Variants in ZNF385D observed in about 807,000 individuals in gnomAD.
ZNF385D encodes zinc finger protein 659.
In ZNF385D, 15 loss-of-function variants were observed where a neutral mutation model predicts 35.8. The ratio of observed to expected loss-of-function variants is 0.42; its 90% CI spans 0.28 to 0.64. The LOEUF is 0.64. Among genes scored for constraint, ZNF385D ranks in the 30% least tolerant of loss-of-function variants. The pLI, the probability that ZNF385D is intolerant of heterozygous loss-of-function variation, is 0.23. For missense variants in ZNF385D, 474 were observed against 494.6 expected, an observed-to-expected ratio of 0.96 and a Z score of 0.39; for synonymous variants, 212 against 186.8, an observed-to-expected ratio of 1.13 and a Z score of -1.10.
chr3:21,565,903 T>C (rs866622693), intron 2 of ZNF385D, among the ~76,000 whole-genome samples: 1 of 152,180 alleles, frequency 6.6e-6, no homozygotes, highest in East Asian at 1.9e-4. Flanking sequence ...TTCTGTGACA[T>C]ATTATAGTTC....
At chr3:21,624,173 G>T (rs1440676074) in intron 2 of ZNF385D, among the ~76,000 whole-genome samples, 4 of 151,996 alleles carry the variant, frequency 2.6e-5, no homozygotes, top group Admixed American at 1.3e-4. Flanking sequence ...TTTAAGAAAT[G>T]CCTCTATTCA....
At chr3:21,712,020 T>A (rs903427115) in intron 1 of ZNF385D, among the ~76,000 whole-genome samples, 6 of 152,224 alleles carry the variant, frequency 3.9e-5, no homozygotes, top group Non-Finnish European at 7.3e-5. Flanking sequence ...AATTATTTAT[T>A]TGGTGAAGGA....
At chr3:21,903,736 A>G (rs1490585245) in intron 3 of ZNF385D, among the ~76,000 whole-genome samples, 3 of 152,208 alleles carry the variant, frequency 2.0e-5, no homozygotes, top group African/African-American at 7.2e-5. Context: ...CAAAAGCAAT[A>G]GAAATAATGA....
At chr3:21,703,672 A>G (rs541855661) in intron 1 of ZNF385D, among the ~76,000 whole-genome samples, 5,211 of 152,252 alleles carry the variant, frequency 0.034, 142 homozygotes, top group South Asian at 0.09. Context: ...TACAAAAAAA[A>G]AAAAATGGCA....
At chr3:21,903,872 C>T (rs974715285) in intron 3 of ZNF385D, among the ~76,000 whole-genome samples, 2 of 152,146 alleles carry the variant, frequency 1.3e-5, no homozygotes, top group Non-Finnish European at 2.9e-5. Context: ...GGAAATTTAT[C>T]TTACACTCAA....
At chr3:21,600,442 C>T (rs2064251193) in intron 2 of ZNF385D, among the ~76,000 whole-genome samples, 1 of 152,090 alleles carries the variant, frequency 6.6e-6, no homozygotes, top group South Asian at 2.1e-4. Flanking sequence ...TTAAACGATG[C>T]CTCTCAATAA....
intron 2 of ZNF385D, among the ~76,000 whole-genome samples, chr3:22,344,940 G>A (rs923910619): frequency 2.6e-5 from 4 of 152,160 alleles, no homozygotes; most frequent in African/African-American, 9.7e-5. Flanking sequence ...CCCTATCCAA[G>A]TGAGAAGCTT....
chr3:22,146,971 T>C (rs964925865), intron 3 of ZNF385D, among the ~76,000 whole-genome samples: 4 of 152,170 alleles, frequency 2.6e-5, no homozygotes, highest in Non-Finnish European at 4.4e-5. Context: ...AAAATAACAG[T>C]AAGCTAATCA....
At chr3:22,249,512 G>C (rs1014501516) in intron 2 of ZNF385D, among the ~76,000 whole-genome samples, 1 of 152,100 alleles carries the variant, frequency 6.6e-6, no homozygotes, top group Admixed American at 6.6e-5. Flanking sequence ...AATTATGTAA[G>C]ACACTATTTT....
At chr3:21,847,385 A>G (rs1333041123) in intron 3 of ZNF385D, among the ~76,000 whole-genome samples, 3 of 141,222 alleles carry the variant, frequency 2.1e-5, no homozygotes, top group Non-Finnish European at 4.4e-5. Flanking sequence ...AAAAAATTAA[A>G]ATAAGAAATA....
rs187283306 is a variant in ZNF385D, at chr3:22,081,703, G to A, written c.325+87114C>T. On this transcript the variant is annotated intron_variant, in intron 3 of 5. Transcript: ENST00000494108. ...TGATGGAACATACAAACCTTTCCACGGCAGCCTTTGAGTTAAAATGGCAGA... is the reference window on the plus strand; with the variant it reads ...TGATGGAACATACAAACCTTTCCACAGCAGCCTTTGAGTTAAAATGGCAGA... Among the ~76,000 whole-genome samples the A allele has an allele frequency of 4.7e-4, 72 of 152,154 alleles. No individual in the cohort carries two copies. In the East Asian group the frequency reaches 6.4e-3, roughly 14 times the overall value.
chr3:21,458,363 T>TC (rs1200418770), intron 4 of ZNF385D, among the ~76,000 whole-genome samples: 1 of 149,890 alleles, frequency 6.7e-6, no homozygotes, highest in African/African-American at 2.5e-5. Context: ...GAACCAGTAG[T>TC]CCTAGCTACT....
chr3:21,452,022 CTA>C (rs1168896083), intron 4 of ZNF385D, among the ~76,000 whole-genome samples: 1 of 151,962 alleles, frequency 6.6e-6, no homozygotes, highest in Non-Finnish European at 1.5e-5. Context: ...ATTGCTAAGA[CTA>C]TGTGTATGAC....
intron 4 of ZNF385D, among the ~76,000 whole-genome samples, chr3:21,481,699 T>G (rs542924831): frequency 5.5e-4 from 83 of 152,256 alleles, no homozygotes; most frequent in Middle Eastern, 3.4e-3. Context: ...TGGCCTCAGA[T>G]AGCTTCTAAT....
At chr3:22,009,063 C>T (rs1696398384) in intron 3 of ZNF385D, among the ~76,000 whole-genome samples, 3 of 152,162 alleles carry the variant, frequency 2.0e-5, no homozygotes. Context: ...AGGAACTATA[C>T]ACAGGATAAG....
intron 2 of ZNF385D, among the ~76,000 whole-genome samples, chr3:22,366,726 T>C (rs1432013924): frequency 6.6e-6 from 1 of 152,160 alleles, no homozygotes; most frequent in African/African-American, 2.4e-5. Flanking sequence ...GATAACCTTA[T>C]TTGGAAAAAG....
At chr3:21,847,359 C>T (rs1696078621) in intron 3 of ZNF385D, among the ~76,000 whole-genome samples, 1 of 151,784 alleles carries the variant, frequency 6.6e-6, no homozygotes, top group African/African-American at 2.4e-5. Context: ...AGGCACTGAT[C>T]TACTATCACG....
chr3:21,886,289 ATAGAT>A (rs1698542830), intron 3 of ZNF385D, among the ~76,000 whole-genome samples: 1 of 152,006 alleles, frequency 6.6e-6, no homozygotes, highest in Admixed American at 6.6e-5. Context: ...AAGTCATAGT[ATAGAT>A]GTGTCTTGTA....
chr3:22,063,196 A>G (rs1272276029), intron 3 of ZNF385D, among the ~76,000 whole-genome samples: 2 of 152,186 alleles, frequency 1.3e-5, no homozygotes, highest in African/African-American at 4.8e-5. Flanking sequence ...CAGTTTCTCT[A>G]TCTGAATAAT....
Sources: allele counts gnomAD v4.1 joint callset (sites outside exome capture counted in the v4.1 genomes callset), GRCh38; gene constraint gnomAD v4.1.1; transcripts MANE v1.5; gene names NCBI Gene and HGNC (gene_info 2026-07-23, HGNC 2026-07-21).